HLCS: variants seen among roughly 807,000 people sequenced by gnomAD.
The protein encoded by HLCS is holocarboxylase synthetase.
In HLCS, 53 loss-of-function variants were observed where a neutral mutation model predicts 75.0. The ratio of observed to expected loss-of-function variants is 0.71; its 90% confidence interval spans 0.57 to 0.89. The LOEUF (loss-of-function observed/expected upper bound fraction) is 0.89. HLCS is among the 40% of genes least tolerant of loss of function. HLCS has a pLI of 0.00. For missense variants in HLCS, 966 were observed against 1,074.0 expected (o/e 0.90, Z 1.41); for synonymous variants, 431 against 428.6 (o/e 1.01, Z -0.07).
intron 6 of HLCS, among the ~76,000 whole-genome samples, chr21:36,873,815 G>T (rs759777507): frequency 6.6e-6 from 1 of 152,102 alleles, no homozygotes; most frequent in Non-Finnish European, 1.5e-5. Context: ...TGCCCAGGCT[G>T]GTCTCAAACT....
chr21:36,915,592 C>T (rs1008977438), intron 5 of HLCS, among the ~76,000 whole-genome samples: 4 of 152,166 alleles, frequency 2.6e-5, no homozygotes, highest in African/African-American at 7.2e-5. Context: ...CTCAAGGCCA[C>T]GGTCTAAGAA....
chr21:36,764,027 AC>A (rs2089945968), intron 8 of HLCS, among the ~76,000 whole-genome samples: 1 of 152,188 alleles, frequency 6.6e-6, no homozygotes, highest in South Asian at 2.1e-4. Context: ...TCCCCAAATA[AC>A]CCTTTTCAAC....
chr21:36,806,727 C>T (rs1248271300), intron 6 of HLCS, among the ~76,000 whole-genome samples: 1 of 152,166 alleles, frequency 6.6e-6, no homozygotes, highest in Non-Finnish European at 1.5e-5. Context: ...TTTAAGAGAG[C>T]GTATTACTTA....
chr21:36,763,166 A>G (rs572653615), intron 8 of HLCS, among the ~76,000 whole-genome samples: 1 of 152,298 alleles, frequency 6.6e-6, no homozygotes, highest in African/African-American at 2.4e-5. Context: ...CTGAGATTAC[A>G]GGCACCCATC....
At chr21:36,829,793 G>A (rs181657300) in intron 6 of HLCS, among the ~76,000 whole-genome samples, 11 of 152,286 alleles carry the variant, frequency 7.2e-5, no homozygotes, top group Admixed American at 2.0e-4. Context: ...AGTGAAGCCA[G>A]CCCCTCTCCC....
Position 36,962,143 on chromosome 21 carries a change from G to T in HLCS, c.223C>A (p.Leu75Ile), listed in dbSNP as rs1569255283. 7.8e-7 allele frequency: 1 copy of T among 1,288,664 alleles called. No individual in the cohort carries two copies. The allele number at this position is 1,288,664 out of a possible 1,614,324, so 79.8% of individuals were successfully genotyped here. A position where few individuals can be genotyped will look rare whatever the true frequency, so the allele number is the denominator to read the frequency against. ...AGTATAAAAGGAGACACAAGAAATA[G>T]GGCCCACTTGTTCAAGTCTTCAATG... ...QSIEDLNKWA[L>I]FLVSPFILEA... Residue 75 changes from leucine (L) to isoleucine (I), a missense_variant, in exon 2 of 11, where the codon CTA (leucine) becomes ATA (isoleucine). Transcript: ENST00000674895.
chr21:36,962,511 G>A (rs541172085), intron 1 of HLCS, among the ~76,000 whole-genome samples: 4 of 152,096 alleles, frequency 2.6e-5, no homozygotes, highest in East Asian at 1.9e-4. Flanking sequence ...GAGGCTGGCC[G>A]GCACAGTGGC....
chr21:36,985,702 G>A (rs1017301024), intron 1 of HLCS, among the ~76,000 whole-genome samples: 1 of 152,062 alleles, frequency 6.6e-6, no homozygotes, highest in Non-Finnish European at 1.5e-5. Flanking sequence ...GGAGGTGGAG[G>A]TTGCAGTGAG....
In HLCS at chr21:36,936,785, A is replaced by G. The variant is rs773020648; in HGVS notation, c.1101T>C (p.Ala367=). The G allele has an allele frequency of 3.1e-6, 5 of 1,614,220 alleles. No individual in the cohort carries two copies. The South Asian group carries it at 3.3e-5, about 11-fold the overall frequency. Reference sequence around the variant, plus strand: ...GGTCTTCGGGAATGGACTCCCTGGTAGCAATGACCAACAGCAGACAGTTGT... The same window carrying G: ...GGTCTTCGGGAATGGACTCCCTGGTGGCAATGACCAACAGCAGACAGTTGT... The part of the protein sequence containing the change: ...WTDNCLLLVI[A]TRESIPEDLY... Residue 367 remains alanine, a synonymous_variant, in exon 4 of 11, where the codon GCT becomes GCC. Transcript: ENST00000674895.
At chr21:36,900,088 G>C (rs1176156508) in intron 5 of HLCS, among the ~76,000 whole-genome samples, 2 of 151,978 alleles carry the variant, frequency 1.3e-5, no homozygotes, top group Non-Finnish European at 2.9e-5. Flanking sequence ...CTGGGTGATA[G>C]AGTGAGACTC....
intron 6 of HLCS, among the ~76,000 whole-genome samples, chr21:36,813,073 A>G (rs1292228277): frequency 6.6e-6 from 1 of 152,194 alleles, no homozygotes; most frequent in African/African-American, 2.4e-5. Flanking sequence ...AGAGAAGAAA[A>G]GAAAAGATCT....
intron 1 of HLCS, chr21:36,990,028 C>G (rs947846394): frequency 6.6e-6 from 1 of 152,240 alleles, no homozygotes; most frequent in Non-Finnish European, 1.5e-5. Flanking sequence ...GGCTGCAGCC[C>G]CGAGGCCTCG....
At chr21:36,835,819 A>G (rs1031031543) in intron 6 of HLCS, among the ~76,000 whole-genome samples, 2 of 152,160 alleles carry the variant, frequency 1.3e-5, no homozygotes, top group African/African-American at 4.8e-5. Context: ...AGACAATTTT[A>G]GACATGAGAA....
intron 6 of HLCS, among the ~76,000 whole-genome samples, chr21:36,794,830 A>G (rs146893054): frequency 4.9e-4 from 75 of 152,236 alleles, no homozygotes; most frequent in African/African-American, 1.7e-3. Flanking sequence ...GTCAAGGGTG[A>G]GTTCACGACT....
intron 6 of HLCS, among the ~76,000 whole-genome samples, chr21:36,780,539 AGC>A (rs2060496550): frequency 6.6e-6 from 1 of 152,136 alleles, no homozygotes; most frequent in Non-Finnish European, 1.5e-5. Flanking sequence ...CTTAAAGCTG[AGC>A]AGACTCCATT....
chr21:36,912,067 G>A (rs530192709), intron 5 of HLCS, among the ~76,000 whole-genome samples: 304 of 130,556 alleles, frequency 2.3e-3, no homozygotes, highest in Non-Finnish European at 3.2e-3. Context: ...GCAAAACTCC[G>A]TCTCAAAAAA....
rs1285110981 is a variant in HLCS at position 36,956,612 on chromosome 21, C to T, written c.330+5424G>A. Among the ~76,000 whole-genome samples the T allele has an allele frequency of 1.1e-4, 17 of 152,024 alleles. No individual in the cohort carries two copies. The South Asian group carries it at 3.1e-3, about 28-fold the overall frequency. ...GGGTGTGGTGGTGGGCGCCTGTAGT[C>T]CCAGCTACTCGGGAGGCTGAGGCAG... On this transcript the variant is annotated intron_variant, in intron 2 of 10. Coordinates refer to ENST00000674895, the MANE Select transcript of HLCS (RefSeq NM_001352514.2).
At chr21:36,764,923 A>C in intron 8 of HLCS, 89 bp downstream of exon 8, 1 of 1,437,284 alleles carries the variant, frequency 7.0e-7, no homozygotes, top group Non-Finnish European at 9.7e-7. Context: ...TTCTACAGCC[A>C]CCAATTATGC....
intron 6 of HLCS, among the ~76,000 whole-genome samples, chr21:36,876,751 G>C (rs928260595): frequency 6.6e-6 from 1 of 152,138 alleles, no homozygotes; most frequent in African/African-American, 2.4e-5. Flanking sequence ...GGAAGTATTA[G>C]GTATCAGGAA....
Sources: allele counts gnomAD v4.1 joint callset (sites outside exome capture counted in the v4.1 genomes callset), GRCh38; gene constraint gnomAD v4.1.1; transcripts MANE v1.5; gene names NCBI Gene and HGNC (gene_info 2026-07-23, HGNC 2026-07-21).